AGBL4: variants seen among roughly 807,000 people sequenced by gnomAD.
AGBL4 encodes AGBL carboxypeptidase 4.
Under a neutral mutation model 66.4 loss-of-function variants are expected in AGBL4, and 58 were observed. That is an observed-to-expected ratio of 0.87 (90% CI 0.71 to 1.09). AGBL4 has a LOEUF of 1.09. Ranked by LOEUF, AGBL4 falls within the 50% of genes least tolerant of loss-of-function variation. AGBL4 has a pLI of 0.00. For missense variants in AGBL4, 579 were observed against 631.0 expected, an observed-to-expected ratio of 0.92 and a Z score of 0.88; for synonymous variants, 234 against 222.9, an observed-to-expected ratio of 1.05 and a Z score of -0.44.
intron 5 of AGBL4, among the ~76,000 whole-genome samples, chr1:48,954,788 G>T (rs1407141089): frequency 6.6e-6 from 1 of 151,734 alleles, no homozygotes; most frequent in Admixed American, 6.6e-5. Context: ...CTCTAATCAC[G>T]TTATTTCCAG....
intron 5 of AGBL4, among the ~76,000 whole-genome samples, chr1:48,985,502 A>T (rs1208249522): frequency 6.6e-6 from 1 of 152,126 alleles, no homozygotes; most frequent in Non-Finnish European, 1.5e-5. Context: ...AAGAACAGTT[A>T]AACTAGAAAC....
Position 48,736,264 on chromosome 1 carries a change from C to T in AGBL4, c.635-73023G>A, listed in dbSNP as rs934103701. Reference sequence around the variant, plus strand: ...CTCTGACGATGCTTAGTTTGTGAGGCGAGAGGGGTGGTTTAGGGACTGCAT... The same window carrying T: ...CTCTGACGATGCTTAGTTTGTGAGGTGAGAGGGGTGGTTTAGGGACTGCAT... On this transcript the variant is annotated intron_variant, in intron 6 of 13. Transcript: ENST00000371839. The surrounding 1 kb of genome is among the most constrained non-coding windows in gnomAD (Gnocchi z 4.0). 47 of 1,613,956 alleles carry T rather than the reference C, an allele frequency of 2.9e-5. No homozygotes were observed. The highest frequency in any genetic ancestry group is 5.3e-5 in the African/African-American group (4 of 74,906).
intron 3 of AGBL4, among the ~76,000 whole-genome samples, chr1:49,448,053 T>C (rs532851677): frequency 9.2e-5 from 14 of 152,104 alleles, no homozygotes; most frequent in Non-Finnish European, 1.8e-4. Flanking sequence ...TATTTTCTCA[T>C]AGCAGCCTGA....
At chr1:49,725,610 G>A (rs1648962183) in intron 2 of AGBL4, among the ~76,000 whole-genome samples, 1 of 150,852 alleles carries the variant, frequency 6.6e-6, no homozygotes, top group African/African-American at 2.4e-5. Flanking sequence ...GCATGCTAAA[G>A]CCAAATTACT....
chr1:49,991,174 AC>A (rs1337756561), intron 1 of AGBL4, among the ~76,000 whole-genome samples: 3 of 152,184 alleles, frequency 2.0e-5, no homozygotes, highest in Non-Finnish European at 2.9e-5. Flanking sequence ...ACGTATAATA[AC>A]CTTTCATTTA....
At chr1:49,075,597 T>C (rs935012965) in intron 4 of AGBL4, among the ~76,000 whole-genome samples, 1 of 152,186 alleles carries the variant, frequency 6.6e-6, no homozygotes, top group Non-Finnish European at 1.5e-5. Context: ...AACAGCAATA[T>C]ACTAAAGTGC....
chr1:49,915,405 T>C (rs528543328), intron 1 of AGBL4, among the ~76,000 whole-genome samples: 54 of 152,158 alleles, frequency 3.5e-4, no homozygotes, highest in African/African-American at 1.2e-3. Context: ...GCTTTTCCAA[T>C]GGTCTTAACA....
intron 1 of AGBL4, among the ~76,000 whole-genome samples, chr1:49,975,259 C>T (rs1348086176): frequency 1.3e-5 from 2 of 152,174 alleles, no homozygotes; most frequent in Non-Finnish European, 2.9e-5. Context: ...AAATACAGTA[C>T]TGTTGGGTAT....
intron 5 of AGBL4, among the ~76,000 whole-genome samples, chr1:48,994,709 T>C (rs908573997): frequency 1.3e-5 from 2 of 152,194 alleles, no homozygotes; most frequent in Non-Finnish European, 2.9e-5. Flanking sequence ...GATGTTGAAA[T>C]ACTTTTTATG....
intron 6 of AGBL4, among the ~76,000 whole-genome samples, chr1:48,810,437 G>A (rs1435752961): frequency 6.6e-6 from 1 of 152,232 alleles, no homozygotes; most frequent in Non-Finnish European, 1.5e-5. Context: ...AGGCAGTGTA[G>A]AGTAAGGAAA....
intron 2 of AGBL4, among the ~76,000 whole-genome samples, chr1:49,721,429 G>A (rs1012202930): frequency 1.3e-5 from 2 of 151,926 alleles, no homozygotes; most frequent in Admixed American, 6.6e-5. Context: ...CAAACCCACC[G>A]GCAGGAACCA....
At chr1:49,948,027 A>AATATATATAAATAT (rs369140618) in intron 1 of AGBL4, among the ~76,000 whole-genome samples, 2 of 75,876 alleles carry the variant, frequency 2.6e-5, no homozygotes, top group African/African-American at 1.4e-4. Context: ...AATATATATA[A>AATATATATAAATAT]ATATATATAC....
At position 48,900,586 on chromosome 1, in the gene AGBL4, T is replaced by C. The variant is rs545455514; in HGVS notation, c.595-33356A>G. ...GTCCAGAAATAGACCCACACATATATAGACAACCAGTTTTCAACAAAGATT... is the reference window on the plus strand; with the variant it reads ...GTCCAGAAATAGACCCACACATATACAGACAACCAGTTTTCAACAAAGATT... On this transcript the variant is annotated intron_variant, in intron 5 of 13. Transcript: ENST00000371839. Among the ~76,000 whole-genome samples the C allele has an allele frequency of 5.9e-5, 9 of 152,216 alleles. 1 individual carries two copies. The South Asian group carries it at 1.9e-3, about 32-fold the overall frequency.
intron 6 of AGBL4, among the ~76,000 whole-genome samples, chr1:48,732,152 C>T (rs887029961): frequency 2.6e-5 from 4 of 151,894 alleles, no homozygotes; most frequent in African/African-American, 7.3e-5. Context: ...AGGATGAGAC[C>T]TGGGTGCCTG....
chr1:49,009,816 C>A (rs940525650), intron 5 of AGBL4, among the ~76,000 whole-genome samples: 10 of 152,136 alleles, frequency 6.6e-5, no homozygotes, highest in African/African-American at 2.4e-4. Flanking sequence ...AGGCCTTTGA[C>A]AAAATTCAAC....
chr1:49,683,468 A>G lies in AGBL4; in HGVS notation c.282+13845T>C, dbSNP rs545684747. Among the ~76,000 whole-genome samples, 46 of 152,302 alleles carry G rather than the reference A, an allele frequency of 3.0e-4. 2 individuals are homozygous for G. The South Asian group carries it at 8.7e-3, about 29-fold the overall frequency. On this transcript the variant is annotated intron_variant, in intron 3 of 13. Transcript: ENST00000371839. ...TATTTCAGTCCTCACAAGAAGCTCT[A>G]TTTCATAGAAATTTAAATAAGAAAT...
chr1:49,098,773 C>T (rs1645151835), intron 4 of AGBL4, among the ~76,000 whole-genome samples: 1 of 152,226 alleles, frequency 6.6e-6, no homozygotes, highest in Admixed American at 6.5e-5. Flanking sequence ...CTAAACCCTT[C>T]ACAGGTGAGG....
At chr1:49,435,469 G>T (rs1239095370) in intron 3 of AGBL4, among the ~76,000 whole-genome samples, 1 of 152,122 alleles carries the variant, frequency 6.6e-6, no homozygotes, top group African/African-American at 2.4e-5. Context: ...TGAATGAATG[G>T]GTATCATGGC....
At chr1:49,842,439 T>C in intron 2 of AGBL4, 2 of 863,402 alleles carry the variant, frequency 2.3e-6, no homozygotes, top group Non-Finnish European at 1.5e-6. Flanking sequence ...GCTTGCTCCC[T>C]GGTTTCTCTG....
Sources: allele counts gnomAD v4.1 joint callset (sites outside exome capture counted in the v4.1 genomes callset), GRCh38; gene constraint gnomAD v4.1.1; non-coding constraint Gnocchi (gnomAD v3.1); transcripts MANE v1.5; gene names NCBI Gene and HGNC (gene_info 2026-07-23, HGNC 2026-07-21).